CYP2J2: variants seen among roughly 807,000 people sequenced by gnomAD.
CYP2J2 encodes the protein cytochrome P450 family 2 subfamily J member 2.
Under a neutral mutation model 48.8 loss-of-function variants are expected in CYP2J2, and 41 were observed. That is an observed-to-expected ratio of 0.84 (90% confidence interval 0.66 to 1.09). The LOEUF is 1.09. Among genes scored for constraint, CYP2J2 ranks in the 50% least tolerant of loss-of-function variants. The pLI, the probability that CYP2J2 is intolerant of heterozygous loss-of-function variation, is 0.00. For missense variants in CYP2J2, 644 were observed against 617.3 expected, an observed-to-expected ratio of 1.04 and a Z score of -0.46; for synonymous variants, 221 against 227.1, an observed-to-expected ratio of 0.97 and a Z score of 0.24.
chr1:59,957,071 C>A, the CYP2J2 span, among the ~76,000 whole-genome samples: 2 of 152,328 alleles, frequency 1.3e-5, no homozygotes, highest in African/African-American at 4.8e-5. Flanking sequence ...CAGAGCCCCC[C>A]ACTTGGGTGC....
At chr1:59,894,120 C>T (rs115165750) in intron 8 of CYP2J2, among the ~76,000 whole-genome samples, 1 of 151,928 alleles carries the variant, frequency 6.6e-6, no homozygotes, top group Non-Finnish European at 1.5e-5. Flanking sequence ...GTGGGCTGAG[C>T]TAGAAAGGGG....
At chr1:59,916,177 A>AGG (rs1328055336) in intron 1 of CYP2J2, 77 bp from the exon 2 acceptor site, 1 of 1,283,264 alleles carries the variant, frequency 7.8e-7, no homozygotes, top group Non-Finnish European at 1.1e-6. Flanking sequence ...GTGTAGCTGG[A>AGG]GGGGATCATA....
At chr1:59,910,340 T>C (rs1336478853) in intron 4 of CYP2J2, among the ~76,000 whole-genome samples, 1 of 152,226 alleles carries the variant, frequency 6.6e-6, no homozygotes, top group Non-Finnish European at 1.5e-5. Context: ...GAAATATTTA[T>C]GTATCAAATA....
chr1:59,929,671 G>T (rs1378637340), upstream of CYP2J2, among the ~76,000 whole-genome samples: 1 of 152,052 alleles, frequency 6.6e-6, no homozygotes, highest in Non-Finnish European at 1.5e-5. Context: ...AAGTAGAAGA[G>T]GAAAGAATCA....
chr1:59,912,490 C>T, intron 2 of CYP2J2, 179 bp from the exon 3 acceptor site: 2 of 603,352 alleles, frequency 3.3e-6, no homozygotes, highest in Non-Finnish European at 5.7e-6. Flanking sequence ...TGATTGCTTG[C>T]AATGGCAGGC....
chr1:59,951,818 T>A, the CYP2J2 span, among the ~76,000 whole-genome samples: 1 of 152,180 alleles, frequency 6.6e-6, no homozygotes. Flanking sequence ...TGGCCCTTGG[T>A]GTAATACCAT....
At chr1:59,958,679 A>G in the CYP2J2 span, among the ~76,000 whole-genome samples, 1 of 152,050 alleles carries the variant, frequency 6.6e-6, no homozygotes, top group East Asian at 1.9e-4. Context: ...TCCTCTTTTC[A>G]TCATTCTTAA....
upstream of CYP2J2, among the ~76,000 whole-genome samples, chr1:59,930,709 T>C (rs1644598666): frequency 2.0e-5 from 3 of 152,076 alleles, no homozygotes; most frequent in South Asian, 6.2e-4. Context: ...CCAAGAATCT[T>C]ATATGAAGCA....
chr1:59,967,160 G>A, the CYP2J2 span, among the ~76,000 whole-genome samples: 1 of 152,146 alleles, frequency 6.6e-6, no homozygotes, highest in Non-Finnish European at 1.5e-5. Flanking sequence ...TTTTAAGAAT[G>A]AGCTGAGATA....
the CYP2J2 span, among the ~76,000 whole-genome samples, chr1:59,933,612 GTAAGATT>G: frequency 6.6e-6 from 1 of 152,010 alleles, no homozygotes; most frequent in African/African-American, 2.4e-5. Context: ...TTTTCTACAT[GTAAGATT>G]ATGTCATCTG....
chr1:59,893,621 C>T lies in CYP2J2; in HGVS notation c.*30G>A, dbSNP rs1644242979. 5.2e-6 allele frequency: 8 copies of T among 1,535,718 alleles called. No individual in the cohort carries two copies. In the South Asian group the frequency reaches 6.4e-5, roughly 12 times the overall value. On this transcript the variant is annotated 3_prime_UTR_variant, in exon 9 of 9. Transcript: ENST00000371204. ...TCAGAACACGTGCCATGTCTTCTTA[C>T]TTTCCTTGCCCCTTTCTTTCTTAAC...
upstream of CYP2J2, chr1:59,926,847 A>AGCCC: frequency 9.1e-7 from 1 of 1,095,198 alleles, no homozygotes; most frequent in Non-Finnish European, 1.3e-6. Flanking sequence ...CCCGCCTCCC[A>AGCCC]GCCCGCCCCT....
chr1:59,923,709 T>C (rs1406564289), intron 1 of CYP2J2, among the ~76,000 whole-genome samples: 1 of 152,122 alleles, frequency 6.6e-6, no homozygotes, highest in Non-Finnish European at 1.5e-5. Flanking sequence ...GATAGCAGAA[T>C]CTGTGAATTT....
chr1:59,931,210 C>A (rs922021066), upstream of CYP2J2, among the ~76,000 whole-genome samples: 1 of 152,060 alleles, frequency 6.6e-6, no homozygotes, highest in African/African-American at 2.4e-5. Context: ...CCACCAGTAC[C>A]ACAGTAGGAA....
rs1269348975 is a variant in CYP2J2, at chr1:59,904,930, G to A, written c.1132C>T (p.Leu378=). The A allele has an allele frequency of 6.2e-7, 1 of 1,613,924 alleles. No individual in the cohort carries two copies. Among genetic ancestry groups the A allele is most frequent in the African/African-American group, 1.3e-5 (1 of 75,020 alleles). The change falls in exon 7 of 9, where the codon CTG becomes TTG. Residue 378 remains leucine, a synonymous_variant. Coordinates refer to ENST00000371204, the MANE Select transcript of CYP2J2 (RefSeq NM_000775.4). ...EVQRMGNIIP[L]NVPREVTVDT... ...ACTGTCACTTCCCTGGGAACGTTCA[G>A]GGGGATGATGTTGCCCATTCTCTGC...
chr1:59,921,388 G>A (rs907449564), intron 1 of CYP2J2, among the ~76,000 whole-genome samples: 2 of 152,152 alleles, frequency 1.3e-5, no homozygotes, highest in African/African-American at 4.8e-5. Context: ...AGTGCCTGAT[G>A]TGCTTCCCCC....
chr1:59,953,482 A>G, the CYP2J2 span, among the ~76,000 whole-genome samples: 1 of 147,230 alleles, frequency 6.8e-6, no homozygotes, highest in Non-Finnish European at 1.5e-5. Flanking sequence ...GCATAAGTTG[A>G]TAGAGAGAGA....
At chr1:59,943,677 G>GT in the CYP2J2 span, among the ~76,000 whole-genome samples, 502 of 147,108 alleles carry the variant, frequency 3.4e-3, no homozygotes, top group African/African-American at 9.3e-3. Flanking sequence ...ATCTGAAGCA[G>GT]TTTTTTTTTT....
In CYP2J2 at chr1:59,893,501, AT is replaced by A. The variant is rs1393517366; in HGVS notation, c.*149del. 3 of 551,730 alleles carry A rather than the reference AT, an allele frequency of 5.4e-6. No homozygotes were observed. Among genetic ancestry groups the A allele is most frequent in the Non-Finnish European group, 9.3e-6 (3 of 323,162 alleles). The allele number at this position is 551,730 out of a possible 1,614,324, so 34.2% of individuals were successfully genotyped here. On this transcript the variant is annotated 3_prime_UTR_variant, in exon 9 of 9. Coordinates refer to ENST00000371204, the MANE Select transcript of CYP2J2 (RefSeq NM_000775.4). ...ATTCGGACGAGACAGTAGAGCTGGG[AT>A]TTGGATCTAGTTTTCTCTGAGTCAA...
Sources: gnomAD v4.1 joint callset for allele counts (sites outside exome capture counted in the v4.1 genomes callset) on GRCh38, gnomAD v4.1.1 for gene constraint, MANE v1.5 for transcripts, NCBI Gene and HGNC (gene_info 2026-07-23, HGNC 2026-07-21) for gene names.